PRSS38: variants seen among roughly 807,000 people sequenced by gnomAD.
PRSS38 encodes the protein serine protease 38, also known as marapsin 2.
In PRSS38, 22 loss-of-function variants were observed where a neutral mutation model predicts 26.8. That is an observed-to-expected ratio of 0.82 (90% CI 0.59 to 1.17). The LOEUF (loss-of-function observed/expected upper bound fraction) is 1.17, where lower values mean the gene tolerates loss of function less well. Among genes scored for constraint, PRSS38 ranks in the 50% most tolerant of loss-of-function variants. The pLI, the probability that PRSS38 is intolerant of heterozygous loss-of-function variation, is 0.00. For synonymous variants in PRSS38, 175 were observed against 172.1 expected, an observed-to-expected ratio of 1.02 and a Z score of -0.13; for missense variants, 427 against 422.7, an observed-to-expected ratio of 1.01 and a Z score of -0.09.
chr1:227,827,997 G>GT (rs2102677880), intron 3 of PRSS38, among the ~76,000 whole-genome samples: 1 of 152,264 alleles, frequency 6.6e-6, no homozygotes, highest in African/African-American at 2.4e-5. Flanking sequence ...TAGTTGTGTG[G>GT]TTTTGAGTGA....
At chr1:227,824,876 A>C (rs1665049435) in intron 3 of PRSS38, among the ~76,000 whole-genome samples, 1 of 152,040 alleles carries the variant, frequency 6.6e-6, no homozygotes, top group Non-Finnish European at 1.5e-5. Flanking sequence ...TCTTTTGAGA[A>C]GTGTCTGTTC....
At chr1:227,831,321 A>G (rs1558235259) in intron 3 of PRSS38, among the ~76,000 whole-genome samples, 1 of 152,164 alleles carries the variant, frequency 6.6e-6, no homozygotes, top group Non-Finnish European at 1.5e-5. Context: ...ATTCCAAATA[A>G]AATTTCTTCC....
At position 227,816,096 on chromosome 1, in the gene PRSS38, G is replaced by A; in HGVS notation, c.155G>A (p.Gly52Asp). 2.5e-6 allele frequency: 4 copies of A among 1,612,384 alleles called. No individual in the cohort carries two copies. Among genetic ancestry groups the A allele is most frequent in the African/African-American group, 2.7e-5 (2 of 74,976 alleles). ...AGCTCCGTTCTCCCTGCAGCCTGTG[G>A]TCGGCCCAGCATGGAGGGGAAAATC... Residue 52 changes from glycine (G) to aspartate (D), a missense_variant, in exon 2 of 5, where the codon GGT becomes GAT. Physicochemically the swap from Gly to Asp is moderately conservative, Grantham distance 94 (BLOSUM62 -1). Transcript: ENST00000366757. The surrounding 1 kb of genome is among the most constrained non-coding windows in gnomAD (Gnocchi z 5.1).
chr1:227,845,066 T>TA (rs1665403106), intron 3 of PRSS38, among the ~76,000 whole-genome samples: 1 of 137,684 alleles, frequency 7.3e-6, no homozygotes, highest in African/African-American at 2.8e-5. Context: ...AGCTCCTCCC[T>TA]ATGTTTAGTG....
chr1:227,816,022 T>C lies in PRSS38; in HGVS notation c.149-68T>C. The stretch of plus-strand genomic sequence containing the variant: ...CTGTGTCCCCTGCCCCTCCCCCACG[T>C]CCCCTGCCTGCCCTACCTCTCCCGT... On this transcript the variant is annotated intron_variant, in intron 1 of 4. Coordinates refer to ENST00000366757, the Ensembl canonical transcript of PRSS38. This position sits in a 1 kb window ranked among gnomAD's most constrained non-coding sequence, Gnocchi z 5.1. 3 of 1,524,960 alleles carry C rather than the reference T, an allele frequency of 2.0e-6. No homozygotes were observed. Among genetic ancestry groups the C allele is most frequent in the Non-Finnish European group, 2.7e-6 (3 of 1,121,228 alleles). 94.5% of individuals were successfully genotyped at this position (1,524,960 alleles called of 1,614,324 possible). A position where few individuals can be genotyped will look rare whatever the true frequency, so the allele number is the denominator to read the frequency against.
chr1:227,843,266 C>A (rs766381618), intron 3 of PRSS38, among the ~76,000 whole-genome samples: 1 of 152,146 alleles, frequency 6.6e-6, no homozygotes, highest in Non-Finnish European at 1.5e-5. Flanking sequence ...TGAAAAGTAG[C>A]CCTCATATTT....
intron 3 of PRSS38, among the ~76,000 whole-genome samples, chr1:227,838,842 ATTCT>A (rs1665275150): frequency 6.6e-6 from 1 of 152,286 alleles, no homozygotes; most frequent in African/African-American, 2.4e-5. Context: ...TTCAAATAAA[ATTCT>A]TTATTTTATT....
intron 3 of PRSS38, among the ~76,000 whole-genome samples, chr1:227,838,400 T>TGAGCACCGCCCTGCAGATGAGCGTTGTA (rs1378019313): frequency 7.9e-5 from 12 of 152,362 alleles, no homozygotes; most frequent in African/African-American, 2.4e-4. Flanking sequence ...GGCCCTCTCC[T>TGAGCACCGCCCTGCAGATGAGCGTTGTA]GAGCACCGCC....
chr1:227,839,743 TG>T (rs1403233103), intron 3 of PRSS38, among the ~76,000 whole-genome samples: 1 of 152,100 alleles, frequency 6.6e-6, no homozygotes, highest in Non-Finnish European at 1.5e-5. Flanking sequence ...ACTTCCTAAA[TG>T]TCATCGCCGC....
intron 4 of PRSS38, 68 bp from the exon 5 acceptor site, chr1:227,845,886 G>C: frequency 6.3e-7 from 1 of 1,580,764 alleles, no homozygotes; most frequent in Non-Finnish European, 8.6e-7. Flanking sequence ...TTGCACCCTG[G>C]GGGACAGGTG....
intron 3 of PRSS38, among the ~76,000 whole-genome samples, chr1:227,829,368 T>C (rs1379262451): frequency 6.6e-6 from 1 of 152,194 alleles, no homozygotes; most frequent in Non-Finnish European, 1.5e-5. Flanking sequence ...GGTTTTGAAT[T>C]TCTCTGACGA....
chr1:227,821,105 A>G (rs1664997491), intron 3 of PRSS38, among the ~76,000 whole-genome samples: 1 of 152,124 alleles, frequency 6.6e-6, no homozygotes, highest in Admixed American at 6.6e-5. Context: ...GGAATTAAAA[A>G]CCAAACTCAC....
intron 3 of PRSS38, among the ~76,000 whole-genome samples, chr1:227,821,594 G>T (rs938985692): frequency 2.6e-5 from 4 of 152,088 alleles, no homozygotes; most frequent in African/African-American, 9.7e-5. Context: ...TCTGAAGGAC[G>T]ATGTTGTCAG....
chr1:227,840,183 G>A (rs1665316299), intron 3 of PRSS38, among the ~76,000 whole-genome samples: 1 of 152,134 alleles, frequency 6.6e-6, no homozygotes, highest in African/African-American at 2.4e-5. Flanking sequence ...GTGCAGTGCG[G>A]TGATCATAGC....
At chr1:227,835,831 T>C (rs1393900483) in intron 3 of PRSS38, among the ~76,000 whole-genome samples, 1 of 152,160 alleles carries the variant, frequency 6.6e-6, no homozygotes, top group Admixed American at 6.5e-5. Flanking sequence ...GATGAAAATG[T>C]TTTGGAATTA....
At chr1:227,821,792 T>C (rs1042354299) in intron 3 of PRSS38, among the ~76,000 whole-genome samples, 8 of 152,222 alleles carry the variant, frequency 5.3e-5, no homozygotes, top group Non-Finnish European at 1.0e-4. Flanking sequence ...ACAGTTTGAT[T>C]ATAATGTGTC....
chr1:227,829,794 C>G (rs975906619), intron 3 of PRSS38, among the ~76,000 whole-genome samples: 6 of 152,120 alleles, frequency 3.9e-5, no homozygotes, highest in Admixed American at 1.3e-4. Context: ...GGTAGGCTTT[C>G]TCTCTCTTGC....
intron 3 of PRSS38, among the ~76,000 whole-genome samples, chr1:227,830,001 T>A (rs1356768889): frequency 6.6e-6 from 1 of 152,192 alleles, no homozygotes. Flanking sequence ...TTGTTGAGTA[T>A]CTTTGTTATG....
chr1:227,815,790 T>C lies in PRSS38; in HGVS notation c.74T>C (p.Val25Ala), dbSNP rs758740209. The C allele has an allele frequency of 1.1e-5, 17 of 1,612,414 alleles. No homozygotes were observed. In the Admixed American group the frequency reaches 1.2e-4, roughly 11 times the overall value. The change falls in exon 1 of 5, where the codon GTG becomes GCG. Residue 25 changes from valine to alanine, a missense_variant. Val to Ala is a moderately conservative substitution (Grantham distance 64). Transcript: ENST00000366757. ...GGCCTTCTGCTGCTGCTCCTGGTGG[T>C]GGCCCCTCCCCGGGTCGCAGCATTG...
Sources: gnomAD v4.1 joint callset for allele counts (sites outside exome capture counted in the v4.1 genomes callset) on GRCh38, gnomAD v4.1.1 for gene constraint, Gnocchi (gnomAD v3.1) non-coding constraint, MANE v1.5 for transcripts, NCBI Gene and HGNC (gene_info 2026-07-23, HGNC 2026-07-21) for gene names.